Variants in PDSS2 observed in about 807,000 individuals in gnomAD.
PDSS2 encodes decaprenyl diphosphate synthase subunit 2.
Under a neutral mutation model 44.5 loss-of-function variants are expected in PDSS2, and 31 were observed. The ratio of observed to expected loss-of-function variants is 0.70; its 90% CI spans 0.52 to 0.94. PDSS2 has a LOEUF of 0.94. Among genes scored for constraint, PDSS2 ranks in the 40% least tolerant of loss-of-function variants. The probability of loss-of-function intolerance (pLI) is 0.00; values close to 1 mark genes in which losing one functional copy is unlikely to be tolerated. For synonymous variants in PDSS2, 157 were observed against 180.3 expected (o/e 0.87, Z 1.03); for missense variants, 452 against 482.2 (o/e 0.94, Z 0.59).
At chr6:107,288,424 A>G (rs1191987534) in intron 2 of PDSS2, among the ~76,000 whole-genome samples, 1 of 152,218 alleles carries the variant, frequency 6.6e-6, no homozygotes, top group Non-Finnish European at 1.5e-5. Flanking sequence ...TGAGGAGCAC[A>G]AGTTGATTTT....
intron 1 of PDSS2, among the ~76,000 whole-genome samples, chr6:107,369,745 C>T (rs1779074243): frequency 6.6e-6 from 1 of 152,050 alleles, no homozygotes; most frequent in African/African-American, 2.4e-5. Context: ...GTGGCTCCAC[C>T]TGTAATACCA....
chr6:107,420,971 T>C (rs1780805997), intron 1 of PDSS2, among the ~76,000 whole-genome samples: 1 of 152,276 alleles, frequency 6.6e-6, no homozygotes, highest in South Asian at 2.1e-4. Context: ...ATCCAGAATA[T>C]GTAAAGAATT....
intron 1 of PDSS2, among the ~76,000 whole-genome samples, chr6:107,425,689 A>G (rs1451673675): frequency 1.3e-5 from 2 of 152,140 alleles, no homozygotes; most frequent in Admixed American, 6.5e-5. Flanking sequence ...AGAAAATCCC[A>G]TTTTCCTCAC....
rs571552037 is a variant in PDSS2 at position 107,324,533 on chromosome 6, T to C, written c.431+9665A>G. Reference sequence around the variant, plus strand: ...TAACATGAATAGGTTATTAAAAAACTGAAATACTACAAATAAAGTCACCTT... The same window carrying C: ...TAACATGAATAGGTTATTAAAAAACCGAAATACTACAAATAAAGTCACCTT... On this transcript the variant is annotated intron_variant, in intron 2 of 7. Transcript: ENST00000369037. Among the ~76,000 whole-genome samples the C allele has an allele frequency of 4.6e-5, 7 of 152,290 alleles. No individual in the cohort carries two copies. The East Asian group carries it at 5.8e-4, about 13-fold the overall frequency.
At chr6:107,243,131 T>G (rs927198815) in intron 4 of PDSS2, among the ~76,000 whole-genome samples, 1 of 152,152 alleles carries the variant, frequency 6.6e-6, no homozygotes, top group Admixed American at 6.5e-5. Context: ...TTAAAAATAT[T>G]AGAAAAAGCA....
intron 1 of PDSS2, among the ~76,000 whole-genome samples, chr6:107,336,760 T>C (rs549806202): frequency 6.6e-6 from 1 of 151,574 alleles, no homozygotes; most frequent in Non-Finnish European, 1.5e-5. Context: ...TTCCTTTCTT[T>C]TATAATAAAG....
intron 1 of PDSS2, among the ~76,000 whole-genome samples, chr6:107,400,690 C>T (rs1780079946): frequency 6.6e-6 from 1 of 152,186 alleles, no homozygotes; most frequent in African/African-American, 2.4e-5. Flanking sequence ...CATACTGGCT[C>T]TCTAGCATGG....
At chr6:107,206,984 T>A (rs1772998105) in intron 6 of PDSS2, among the ~76,000 whole-genome samples, 1 of 149,942 alleles carries the variant, frequency 6.7e-6, no homozygotes, top group Non-Finnish European at 1.5e-5. Context: ...CAAAGATGAA[T>A]TTGCTATTAT....
intron 1 of PDSS2, among the ~76,000 whole-genome samples, chr6:107,354,476 T>C (rs986685603): frequency 2.0e-5 from 3 of 152,262 alleles, no homozygotes; most frequent in African/African-American, 7.2e-5. Flanking sequence ...ACAGGTACTC[T>C]GAATTCCACT....
intron 1 of PDSS2, among the ~76,000 whole-genome samples, chr6:107,412,175 A>C (rs1345864796): frequency 6.8e-6 from 1 of 147,698 alleles, no homozygotes; most frequent in East Asian, 2.0e-4. Context: ...GGCGTCAGCC[A>C]CCGCGCCTGG....
chr6:107,368,359 C>T (rs1205674275), intron 1 of PDSS2, among the ~76,000 whole-genome samples: 1 of 151,584 alleles, frequency 6.6e-6, no homozygotes, highest in African/African-American at 2.4e-5. Flanking sequence ...ATAAAATGCT[C>T]AGGAATAAAC....
rs764639532 is a variant in PDSS2 at position 107,245,620 on chromosome 6, C to T, written c.631-1G>A. The stretch of plus-strand genomic sequence containing the variant: ...GAGCACTTGCTAAAAGTTCCACAAC[C>T]TAAAAAGCAAGAAGAAAAATAAAAA... On this transcript the variant is annotated splice_acceptor_variant, in intron 3 of 7. Transcript: ENST00000369037. LOFTEE classifies it high-confidence loss of function. The T allele has an allele frequency of 1.3e-6, 2 of 1,567,790 alleles. No homozygotes were observed. The highest frequency in any genetic ancestry group is 1.7e-6 in the Non-Finnish European group (2 of 1,145,330).
chr6:107,397,025 G>A (rs190509251), intron 1 of PDSS2, among the ~76,000 whole-genome samples: 2 of 152,172 alleles, frequency 1.3e-5, no homozygotes, highest in African/African-American at 4.8e-5. Flanking sequence ...GAAAGGAACT[G>A]AGCTAGGATG....
chr6:107,169,460 A>G (rs1490877051), intron 7 of PDSS2, among the ~76,000 whole-genome samples: 1 of 152,122 alleles, frequency 6.6e-6, no homozygotes, highest in Non-Finnish European at 1.5e-5. Flanking sequence ...GATCATCTGA[A>G]GCCTTCTTCT....
intron 3 of PDSS2, 88 bp from the exon 4 acceptor site, chr6:107,245,707 G>C (rs1774591540): frequency 1.2e-6 from 1 of 830,902 alleles, no homozygotes; most frequent in African/African-American, 1.7e-5. Flanking sequence ...TCAGTGGCAA[G>C]GCAGAATTTT....
chr6:107,160,339 A>G (rs1771079816), intron 7 of PDSS2, among the ~76,000 whole-genome samples: 2 of 152,148 alleles, frequency 1.3e-5, no homozygotes, highest in African/African-American at 4.8e-5. Flanking sequence ...GAGAGAAATG[A>G]GAGATCAACT....
rs544103549 is a variant in PDSS2 at position 107,255,132 on chromosome 6, C to T, written c.631-9513G>A. 4.6e-5 allele frequency among the ~76,000 whole-genome samples: 7 copies of T among 151,696 alleles called. No homozygotes were observed. The East Asian group carries it at 1.2e-3, about 25-fold the overall frequency. The stretch of plus-strand genomic sequence containing the variant: ...ATTCCCAAAGTGCTGGGAATACAGC[C>T]GTGAGCTACCACGCCTGGCCAAAAT... On this transcript the variant is annotated intron_variant, in intron 3 of 7. Transcript: ENST00000369037.
intron 2 of PDSS2, among the ~76,000 whole-genome samples, chr6:107,290,419 G>A (rs2500554): frequency 0.79 from 119,725 of 152,066 alleles, 47,177 homozygotes; most frequent in South Asian, 0.89. Flanking sequence ...CACCAGGTCC[G>A]TTGCTCTTCT....
intron 4 of PDSS2, among the ~76,000 whole-genome samples, chr6:107,217,012 T>G (rs971938529): frequency 2.6e-5 from 4 of 152,154 alleles, no homozygotes; most frequent in Non-Finnish European, 5.9e-5. Context: ...TAAAGAGCTA[T>G]CTGGAAAAAA....
Sources: gnomAD v4.1 joint callset for allele counts (sites outside exome capture counted in the v4.1 genomes callset) on GRCh38, gnomAD v4.1.1 for gene constraint, MANE v1.5 for transcripts, NCBI Gene and HGNC (gene_info 2026-07-23, HGNC 2026-07-21) for gene names.